GUCY1A2: variants seen among roughly 807,000 people sequenced by gnomAD.
GUCY1A2 encodes the protein guanylate cyclase soluble subunit alpha-2.
GUCY1A2 carries 27 observed loss-of-function variants against 63.5 expected under a neutral mutation model. The observed-to-expected ratio is 0.43, with a 90% confidence interval of 0.31 to 0.59. The LOEUF (loss-of-function observed/expected upper bound fraction) is 0.59. GUCY1A2 is among the 20% of genes least tolerant of loss of function. The probability of loss-of-function intolerance (pLI) is 0.11; values close to 1 mark genes in which losing one functional copy is unlikely to be tolerated. For synonymous variants in GUCY1A2, 364 were observed against 343.5 expected (o/e 1.06, Z -0.66); for missense variants, 768 against 913.3 (o/e 0.84, Z 2.05).
At chr11:106,815,152 A>C (rs552082867) in intron 4 of GUCY1A2, among the ~76,000 whole-genome samples, 26 of 152,212 alleles carry the variant, frequency 1.7e-4, no homozygotes, top group African/African-American at 6.3e-4. Flanking sequence ...AATAGAAAAC[A>C]TGCTGGGTGG....
chr11:106,686,557 A>C lies in GUCY1A2; in HGVS notation c.*992T>G, dbSNP rs1447583800. The C allele has an allele frequency of 9.2e-6, 2 of 217,922 alleles. No homozygotes were observed. The highest frequency in any genetic ancestry group is 1.8e-5 in the Non-Finnish European group (2 of 108,350). 13.5% of individuals were successfully genotyped at this position (217,922 alleles called of 1,614,324 possible). On this transcript the variant is annotated 3_prime_UTR_variant, in exon 8 of 8. Transcript: ENST00000526355. ...TCTTAGGAGGCATCAACTGGGGAAG[A>C]GGAAGGGGGTAACTAACATGTCATT...
intron 3 of GUCY1A2, among the ~76,000 whole-genome samples, chr11:106,973,080 C>G (rs1366441949): frequency 6.6e-6 from 1 of 152,096 alleles, no homozygotes; most frequent in Non-Finnish European, 1.5e-5. Flanking sequence ...AGTATGTAAG[C>G]AGAGAGCAGA....
rs1364288951 is a variant in GUCY1A2, at chr11:106,674,586, C to T, written c.*12963G>A. 2 of 184,380 alleles carry T rather than the reference C, an allele frequency of 1.1e-5. No individual in the cohort carries two copies. The highest frequency in any genetic ancestry group is 2.3e-5 in the Non-Finnish European group (2 of 87,086). The allele number at this position is 184,380 out of a possible 1,614,324, so 11.4% of individuals were successfully genotyped here. On this transcript the variant is annotated 3_prime_UTR_variant, in exon 8 of 8. Coordinates refer to ENST00000526355, the MANE Select transcript of GUCY1A2 (RefSeq NM_000855.3). ...AAAAACAAAAAATAGTTTGACATTT[C>T]AAAATATATGCAATTTAATCATGCC... is the stretch of plus-strand genomic sequence containing the variant.
rs529640890 is a variant in GUCY1A2 at position 106,881,071 on chromosome 11, T to C, written c.1206+58389A>G. ...TCTGAGGTTCCTTCCAGCTCTAGCATCCTATGATTCTATTTTCTCTGAATT... is the reference window on the plus strand; with the variant it reads ...TCTGAGGTTCCTTCCAGCTCTAGCACCCTATGATTCTATTTTCTCTGAATT... On this transcript the variant is annotated intron_variant, in intron 4 of 7. Coordinates refer to ENST00000526355, the MANE Select transcript of GUCY1A2 (RefSeq NM_000855.3). Among the ~76,000 whole-genome samples the C allele has an allele frequency of 2.6e-5, 4 of 152,228 alleles. No homozygotes were observed. In the South Asian group the frequency reaches 8.3e-4, roughly 32 times the overall value.
intron 6 of GUCY1A2, among the ~76,000 whole-genome samples, chr11:106,709,269 TTA>T (rs1197471667): frequency 2.2e-5 from 2 of 90,872 alleles, no homozygotes; most frequent in East Asian, 2.6e-4. Flanking sequence ...ATAAATATAT[TTA>T]TATATATAAA....
In GUCY1A2 at chr11:106,820,504, T is replaced by C. The variant is rs146797449; in HGVS notation, c.1207-10026A>G. On this transcript the variant is annotated intron_variant, in intron 4 of 7. Transcript: ENST00000526355. ...ACCTCTCCCTCCCAGGTTCAAATGA[T>C]TTTCCTGCCTCAGCCTCCTGAGTAG... Among the ~76,000 whole-genome samples the C allele has an allele frequency of 2.6e-5, 4 of 152,306 alleles. No individual in the cohort carries two copies. The East Asian group carries it at 7.7e-4, about 29-fold the overall frequency.
chr11:106,717,913 A>G (rs1005690504), intron 6 of GUCY1A2, among the ~76,000 whole-genome samples: 2 of 152,144 alleles, frequency 1.3e-5, no homozygotes, highest in African/African-American at 4.8e-5. Flanking sequence ...TTTAAATTCA[A>G]ATTTTGAAAG....
chr11:106,693,256 A>G (rs1862657192), intron 7 of GUCY1A2, among the ~76,000 whole-genome samples: 2 of 152,150 alleles, frequency 1.3e-5, no homozygotes, highest in Non-Finnish European at 2.9e-5. Flanking sequence ...TTCTTCTCTC[A>G]ACTTGATTGG....
At chr11:106,990,630 T>C (rs1248200001) in intron 1 of GUCY1A2, among the ~76,000 whole-genome samples, 1 of 152,278 alleles carries the variant, frequency 6.6e-6, no homozygotes, top group Admixed American at 6.5e-5. Context: ...AACACAGTTG[T>C]CATCGCACAA....
rs772482435 is a variant in GUCY1A2 at position 106,939,674 on chromosome 11, A to C, written c.992T>G (p.Leu331Trp). Residue 331 changes from leucine to tryptophan, a missense_variant, in exon 4 of 8, where the codon TTG becomes TGG. By Grantham distance (61) the Leu-to-Trp change is moderately conservative (BLOSUM62 -2). Around this residue, in one of 3 missense-constraint regions of GUCY1A2, gnomAD observed 496 missense variants for 486.9 expected, o/e 1.02. Transcript: ENST00000526355. ...NTFCRAFPFH[L>W]MFDPSMSVLQ... ...GACTGACATGCTGGGATCAAACATC[A>C]AGTGGAAAGGGAAGGCTCTACAGAA... 1.9e-6 allele frequency: 3 copies of C among 1,613,908 alleles called. No individual in the cohort carries two copies.
intron 4 of GUCY1A2, among the ~76,000 whole-genome samples, chr11:106,904,134 C>CA (rs1222186728): frequency 3.9e-5 from 6 of 151,972 alleles, no homozygotes; most frequent in Non-Finnish European, 7.4e-5. Flanking sequence ...TAATGTTTTA[C>CA]AAAAAAATTT....
chr11:107,004,961 T>C (rs954988996), intron 1 of GUCY1A2, among the ~76,000 whole-genome samples: 4 of 152,208 alleles, frequency 2.6e-5, no homozygotes, highest in Non-Finnish European at 4.4e-5. Context: ...AGGTTCTTGA[T>C]GTTCTCTGTT....
At chr11:106,746,442 G>A (rs895168781) in intron 6 of GUCY1A2, 3 of 574,258 alleles carry the variant, frequency 5.2e-6, no homozygotes, top group Admixed American at 3.0e-5. Flanking sequence ...AAAGGATGAT[G>A]ATGATATTTG....
At position 106,687,463 on chromosome 11, in the gene GUCY1A2, A is replaced by G; in HGVS notation, c.*86T>C. The G allele has an allele frequency of 1.0e-6, 1 of 965,018 alleles. No individual in the cohort carries two copies. The highest frequency in any genetic ancestry group is 1.6e-6 in the Non-Finnish European group (1 of 606,112). 59.8% of individuals were successfully genotyped at this position (965,018 alleles called of 1,614,324 possible). A position where few individuals can be genotyped will look rare whatever the true frequency, so the allele number is the denominator to read the frequency against. ...TGCTTGTTCTCAACAAAGCAATGAA[A>G]GAGACACAATCTCTTTCCACCCCCC... On this transcript the variant is annotated 3_prime_UTR_variant, in exon 8 of 8. Transcript: ENST00000526355.
intron 4 of GUCY1A2, among the ~76,000 whole-genome samples, chr11:106,924,674 A>C (rs1860497178): frequency 6.6e-6 from 1 of 152,122 alleles, no homozygotes; most frequent in Admixed American, 6.5e-5. Context: ...ATACATATAA[A>C]ATGTTTACAA....
intron 3 of GUCY1A2, among the ~76,000 whole-genome samples, chr11:106,953,200 A>G (rs1214152346): frequency 2.0e-5 from 3 of 152,174 alleles, no homozygotes; most frequent in Non-Finnish European, 4.4e-5. Flanking sequence ...GATATGTTCC[A>G]TCAATACCTA....
chr11:106,823,005 C>T (rs1321458325), intron 4 of GUCY1A2, among the ~76,000 whole-genome samples: 2 of 151,418 alleles, frequency 1.3e-5, no homozygotes, highest in Non-Finnish European at 2.9e-5. Context: ...ACTGCTACAC[C>T]CTGTTGTTTG....
At chr11:106,748,238 A>C (rs1471939117) in intron 6 of GUCY1A2, among the ~76,000 whole-genome samples, 1 of 152,096 alleles carries the variant, frequency 6.6e-6, no homozygotes, top group Non-Finnish European at 1.5e-5. Context: ...GGAGACTGAA[A>C]GCTCTTTCTC....
chr11:106,969,420 G>C (rs565134052), intron 3 of GUCY1A2, among the ~76,000 whole-genome samples: 1 of 152,234 alleles, frequency 6.6e-6, no homozygotes, highest in South Asian at 2.1e-4. Context: ...AATGAAAGCA[G>C]AGAGATAACA....
Sources: gnomAD v4.1 joint callset for allele counts (sites outside exome capture counted in the v4.1 genomes callset) on GRCh38, gnomAD v4.1.1 for gene constraint, gnomAD v4.1.1 regional missense constraint, MANE v1.5 for transcripts, NCBI Gene and HGNC (gene_info 2026-07-23, HGNC 2026-07-21) for gene names.